The following CAPN3 variants were observed in gnomAD, a reference collection of about 807,000 sequenced individuals.
CAPN3 encodes calpain 3.
In CAPN3, 88 loss-of-function variants were observed where a neutral mutation model predicts 114.0. The ratio of observed to expected loss-of-function variants is 0.77; its 90% CI spans 0.65 to 0.92. CAPN3 has a LOEUF of 0.92. Among genes scored for constraint, CAPN3 ranks in the 40% least tolerant of loss-of-function variants. The probability of loss-of-function intolerance (pLI) is 0.00; values close to 1 mark genes in which losing one functional copy is unlikely to be tolerated. For missense variants in CAPN3, 1,028 were observed against 1,069.0 expected (o/e 0.96, Z 0.53); for synonymous variants, 386 against 382.9 (o/e 1.01, Z -0.09).
At chr15:42,404,258 G>A (rs911843770) in intron 14 of CAPN3, 15 of 456,482 alleles carry the variant, frequency 3.3e-5, no homozygotes, top group South Asian at 2.3e-4. Flanking sequence ...GGATGATAAT[G>A]TGCCTTGCAA....
rs1163155770 is a variant in CAPN3 at position 42,404,141 on chromosome 15, A to T, written c.1782+364A>T. ...TTTCACACATAGAGAAAAGAAAGTA[A>T]GCTGGTGCCGGACCTGGTGTTGACA... is the stretch of plus-strand genomic sequence containing the variant. On this transcript the variant is annotated intron_variant, in intron 14 of 23. Transcript: ENST00000397163. The T allele has an allele frequency of 6.4e-6, 3 of 467,040 alleles. No homozygotes were observed. In the East Asian group the frequency reaches 2.0e-4, roughly 31 times the overall value. 28.9% of individuals were successfully genotyped at this position (467,040 alleles called of 1,614,324 possible).
chr15:42,367,558 A>G (rs1221793434), intron 1 of CAPN3, among the ~76,000 whole-genome samples: 2 of 152,226 alleles, frequency 1.3e-5, no homozygotes, highest in Non-Finnish European at 2.9e-5. Context: ...AAAATACCCC[A>G]GAGATATAGG....
chr15:42,389,908 T>C, intron 5 of CAPN3, 45 bp from the exon 6 acceptor site: 1 of 1,610,200 alleles, frequency 6.2e-7, no homozygotes, highest in Non-Finnish European at 8.5e-7. Context: ...GTGTTTGTTC[T>C]CTCCCTCCCC....
At chr15:42,409,732 G>A (rs538254487) in intron 17 of CAPN3, 55 bp from the exon 18 acceptor site, 23 of 1,496,690 alleles carry the variant, frequency 1.5e-5, no homozygotes, top group Admixed American at 1.3e-4. Context: ...CAAAGTGTCC[G>A]CGCCAGGAGC....
intron 2 of CAPN3, chr15:42,385,657 A>G: frequency 1.9e-6 from 1 of 518,022 alleles, no homozygotes; most frequent in African/African-American, 1.9e-5. Flanking sequence ...CGTTGCCAGC[A>G]ATGTCTTACT....
At chr15:42,406,611 G>A (rs1196609017) in intron 15 of CAPN3, among the ~76,000 whole-genome samples, 1 of 152,138 alleles carries the variant, frequency 6.6e-6, no homozygotes, top group Non-Finnish European at 1.5e-5. Flanking sequence ...CCAAGGAACA[G>A]AACTAATGAG....
intron 8 of CAPN3, 128 bp downstream of exon 8, chr15:42,394,469 C>A: frequency 1.3e-6 from 1 of 790,214 alleles, no homozygotes. Flanking sequence ...ACCAATGATC[C>A]GCAGAGAAGA....
At chr15:42,408,673 AG>A (rs2054100406) in intron 16 of CAPN3, 1 of 367,082 alleles carries the variant, frequency 2.7e-6, no homozygotes, top group African/African-American at 2.1e-5. Flanking sequence ...ATTTCACAAT[AG>A]GGGGATAAAG....
At position 42,410,925 on chromosome 15, in the gene CAPN3, C is replaced by A. The variant is rs868791726; in HGVS notation, c.2305C>A (p.Arg769=). The A allele has an allele frequency of 1.5e-5, 25 of 1,614,028 alleles. No homozygotes were observed. Among genetic ancestry groups the A allele is most frequent in the Non-Finnish European group, 1.9e-5 (23 of 1,179,964 alleles). Residue 769 remains arginine (R), a synonymous_variant, in exon 22 of 24, where the codon CGG becomes AGG. Coordinates refer to ENST00000397163, the MANE Select transcript of CAPN3 (RefSeq NM_000070.3). ...NNQLYDIITM[R]YADKHMNIDF... is the part of the protein sequence containing the mutation. ...CCAGCTCTATGACATCATTACCATG[C>A]GGTACGCAGACAAACACATGAACAT... is the stretch of plus-strand genomic sequence containing the variant.
intron 1 of CAPN3, among the ~76,000 whole-genome samples, chr15:42,367,834 T>G (rs2052827779): frequency 6.6e-6 from 1 of 152,224 alleles, no homozygotes; most frequent in Non-Finnish European, 1.5e-5. Context: ...TTTCTCTCTT[T>G]TTTTTAAACA....
At position 42,405,956 on chromosome 15, in the gene CAPN3, G is replaced by A. The variant is rs562307081; in HGVS notation, c.1800+13G>A. On this transcript the variant is annotated intron_variant, in intron 15 of 23. Transcript: ENST00000397163. ...GAAAAAAACCAAGGTAGGTGTGTGG[G>A]TAGAGAGCATGAAGTGTGTGTACTC... 2 of 1,610,022 alleles carry A rather than the reference G, an allele frequency of 1.2e-6. No individual in the cohort carries two copies. The highest frequency in any genetic ancestry group is 2.2e-5 in the South Asian group (2 of 90,998).
intron 1 of CAPN3, among the ~76,000 whole-genome samples, chr15:42,383,537 C>T (rs183192945): frequency 6.6e-6 from 1 of 152,190 alleles, no homozygotes; most frequent in Non-Finnish European, 1.5e-5. Flanking sequence ...TGCAGTGAGC[C>T]GAGATCGCGC....
At chr15:42,380,236 C>A (rs1207139765) in intron 1 of CAPN3, among the ~76,000 whole-genome samples, 1 of 152,080 alleles carries the variant, frequency 6.6e-6, no homozygotes, top group Non-Finnish European at 1.5e-5. Context: ...AGTTAGATTA[C>A]TACCTACATG....
intron 1 of CAPN3, among the ~76,000 whole-genome samples, chr15:42,370,022 G>A (rs775606978): frequency 8.6e-5 from 13 of 151,826 alleles, no homozygotes; most frequent in African/African-American, 1.7e-4. Context: ...ACAGGTGCCC[G>A]GCACCACGCT....
intron 1 of CAPN3, among the ~76,000 whole-genome samples, chr15:42,380,749 ATATT>A (rs1340904132): frequency 4.7e-4 from 28 of 59,470 alleles, no homozygotes; most frequent in Non-Finnish European, 5.8e-4. Flanking sequence ...ATATATATAT[ATATT>A]TTTTTTTTTT....
chr15:42,388,768 A>G (rs187515424), intron 4 of CAPN3, among the ~76,000 whole-genome samples, 160 bp from the exon 5 acceptor site: 2 of 152,242 alleles, frequency 1.3e-5, no homozygotes, highest in African/African-American at 4.8e-5. Flanking sequence ...ATTATGAAGA[A>G]AGGGAATCAT....
At chr15:42,398,256 T>C (rs371133709) in intron 9 of CAPN3, among the ~76,000 whole-genome samples, 1 of 152,054 alleles carries the variant, frequency 6.6e-6, no homozygotes, top group Non-Finnish European at 1.5e-5. Context: ...TTCTTTGTGT[T>C]GGGAACATTA....
intron 1 of CAPN3, among the ~76,000 whole-genome samples, chr15:42,373,241 G>T (rs1248105289): frequency 6.6e-6 from 1 of 152,102 alleles, no homozygotes; most frequent in African/African-American, 2.4e-5. Flanking sequence ...AACTTTAGTG[G>T]ACATAAGACT....
At chr15:42,379,228 C>T (rs1354925268) in intron 1 of CAPN3, among the ~76,000 whole-genome samples, 2 of 152,028 alleles carry the variant, frequency 1.3e-5, no homozygotes, top group African/African-American at 4.8e-5. Context: ...AGGAAAATCG[C>T]TTGAACCGGG....
Sources: allele counts gnomAD v4.1 joint callset (sites outside exome capture counted in the v4.1 genomes callset), GRCh38; gene constraint gnomAD v4.1.1; transcripts MANE v1.5; gene names NCBI Gene and HGNC (gene_info 2026-07-23, HGNC 2026-07-21).